The following RAP1A variants were observed in gnomAD, a reference collection of about 807,000 sequenced individuals.
RAP1A encodes ras-related protein Rap-1A.
A neutral mutation model predicts 26.4 loss-of-function variants in RAP1A; 6 were observed. The observed-to-expected ratio is 0.23, with a 90% confidence interval of 0.12 to 0.45. The LOEUF (loss-of-function observed/expected upper bound fraction) is 0.45, where lower values mean the gene tolerates loss of function less well. Ranked by LOEUF, RAP1A falls within the 20% of genes least tolerant of loss-of-function variation. RAP1A has a pLI of 0.99. For missense variants in RAP1A, 121 were observed against 217.2 expected (o/e 0.56, Z 2.78); for synonymous variants, 73 against 79.4 (o/e 0.92, Z 0.43).
intron 1 of RAP1A, among the ~76,000 whole-genome samples, chr1:111,559,423 C>A (rs1355384023): frequency 6.6e-6 from 1 of 152,116 alleles, no homozygotes; most frequent in Non-Finnish European, 1.5e-5. Flanking sequence ...CTTAGTGCCT[C>A]CAAAACCAAA....
chr1:111,545,832 G>T (rs535344475), intron 1 of RAP1A, among the ~76,000 whole-genome samples: 1 of 152,172 alleles, frequency 6.6e-6, no homozygotes, highest in East Asian at 1.9e-4. Flanking sequence ...TTCATTCTTT[G>T]ATATGTAGAT....
chr1:111,679,828 A>G (rs2101205536), intron 1 of RAP1A, among the ~76,000 whole-genome samples: 1 of 152,310 alleles, frequency 6.6e-6, no homozygotes, highest in African/African-American at 2.4e-5. Context: ...CTGTAGCCAG[A>G]CTGCCTCTCT....
At chr1:111,643,826 G>A (rs1367347328) in intron 1 of RAP1A, among the ~76,000 whole-genome samples, 1 of 152,146 alleles carries the variant, frequency 6.6e-6, no homozygotes, top group Non-Finnish European at 1.5e-5. Flanking sequence ...ACACACACAT[G>A]CATACATTAT....
At chr1:111,688,265 CTGTGTG>C (rs60277735) in intron 1 of RAP1A, among the ~76,000 whole-genome samples, 146 of 135,422 alleles carry the variant, frequency 1.1e-3, no homozygotes, top group Admixed American at 2.4e-3. Context: ...CACAAGAAGT[CTGTGTG>C]TGTGTGTGTG....
At chr1:111,624,483 CAGTTGT>C (rs1659332854) in intron 1 of RAP1A, among the ~76,000 whole-genome samples, 1 of 152,200 alleles carries the variant, frequency 6.6e-6, no homozygotes, top group Non-Finnish European at 1.5e-5. Context: ...CTCCTGCACA[CAGTTGT>C]GAGATGACTG....
At chr1:111,632,291 G>T (rs576339091) in intron 1 of RAP1A, among the ~76,000 whole-genome samples, 7 of 151,276 alleles carry the variant, frequency 4.6e-5, no homozygotes, top group Non-Finnish European at 1.0e-4. Flanking sequence ...TCTAAACCCT[G>T]TGTTTATAAA....
intron 1 of RAP1A, among the ~76,000 whole-genome samples, chr1:111,679,140 G>A (rs570480643): frequency 6.6e-6 from 1 of 152,332 alleles, no homozygotes; most frequent in African/African-American, 2.4e-5. Context: ...AGCTCCCAGA[G>A]AGACCAACGC....
chr1:111,602,917 C>T (rs1354279873), intron 1 of RAP1A, among the ~76,000 whole-genome samples: 1 of 152,194 alleles, frequency 6.6e-6, no homozygotes, highest in East Asian at 1.9e-4. Flanking sequence ...TGTGATGCAT[C>T]ATTATCAAGG....
chr1:111,710,856 G>A (rs542830744), intron 7 of RAP1A, among the ~76,000 whole-genome samples: 22 of 151,832 alleles, frequency 1.4e-4, no homozygotes, highest in South Asian at 1.0e-3. Flanking sequence ...TTTTTGAGAC[G>A]GAGTCTCGCC....
intron 7 of RAP1A, among the ~76,000 whole-genome samples, chr1:111,710,891 G>A (rs1662364200): frequency 6.6e-6 from 1 of 152,108 alleles, no homozygotes; most frequent in African/African-American, 2.4e-5. Context: ...GGAGTACAGT[G>A]GCACACTCTG....
chr1:111,605,093 T>A (rs1557862964), intron 1 of RAP1A, among the ~76,000 whole-genome samples: 2 of 152,096 alleles, frequency 1.3e-5, no homozygotes, highest in African/African-American at 4.8e-5. Context: ...TTGTAAGAGG[T>A]AACAGCCAAC....
chr1:111,712,008 GA>G (rs1662399934), intron 7 of RAP1A, among the ~76,000 whole-genome samples: 1 of 152,094 alleles, frequency 6.6e-6, no homozygotes, highest in South Asian at 2.1e-4. Flanking sequence ...TAAAATGCTT[GA>G]ATAAAGAATA....
intron 1 of RAP1A, among the ~76,000 whole-genome samples, chr1:111,579,708 A>G (rs1658214384): frequency 6.6e-6 from 1 of 152,206 alleles, no homozygotes; most frequent in Non-Finnish European, 1.5e-5. Context: ...CCTTAGACAA[A>G]CTCATAACAC....
chr1:111,643,437 ATTTTT>A (rs1659955866), intron 1 of RAP1A, among the ~76,000 whole-genome samples: 1 of 152,158 alleles, frequency 6.6e-6, no homozygotes, highest in South Asian at 2.1e-4. Context: ...TAGAAAGTTA[ATTTTT>A]TGGCATCAAG....
intron 1 of RAP1A, among the ~76,000 whole-genome samples, chr1:111,606,725 G>A (rs1658790055): frequency 1.3e-5 from 2 of 152,328 alleles, no homozygotes; most frequent in Middle Eastern, 6.8e-3. Context: ...AATCTGTGTG[G>A]TGCAATAAAT....
At chr1:111,621,416 A>G (rs983381332) in intron 1 of RAP1A, among the ~76,000 whole-genome samples, 4 of 152,198 alleles carry the variant, frequency 2.6e-5, no homozygotes, top group Non-Finnish European at 5.9e-5. Flanking sequence ...TTGAAATCAT[A>G]TAGTTCGATA....
chr1:111,591,779 T>A (rs763087202), intron 1 of RAP1A, among the ~76,000 whole-genome samples: 1 of 152,248 alleles, frequency 6.6e-6, no homozygotes, highest in Admixed American at 6.5e-5. Flanking sequence ...ATCACAGACC[T>A]TTTTTGTATT....
chr1:111,598,825 G>A (rs763902471), intron 1 of RAP1A, among the ~76,000 whole-genome samples: 1 of 152,120 alleles, frequency 6.6e-6, no homozygotes, highest in Non-Finnish European at 1.5e-5. Context: ...CACAGGTTGA[G>A]GGCTCAGTCT....
chr1:111,677,845 T>C (rs1661175100), intron 1 of RAP1A, among the ~76,000 whole-genome samples: 1 of 152,198 alleles, frequency 6.6e-6, no homozygotes, highest in African/African-American at 2.4e-5. Flanking sequence ...CAAGGATATG[T>C]ATAATGAGAG....
Sources: gnomAD v4.1 joint callset for allele counts (sites outside exome capture counted in the v4.1 genomes callset) on GRCh38, gnomAD v4.1.1 for gene constraint, MANE v1.5 for transcripts, NCBI Gene and HGNC (gene_info 2026-07-23, HGNC 2026-07-21) for gene names.